SYNPR: variants seen among roughly 807,000 people sequenced by gnomAD.
SYNPR encodes synaptoporin.
Under a neutral mutation model 32.9 loss-of-function variants are expected in SYNPR, and 23 were observed. The observed-to-expected ratio is 0.70, with a 90% CI of 0.50 to 0.99. The LOEUF (loss-of-function observed/expected upper bound fraction) is 0.99. Among genes scored for constraint, SYNPR ranks in the 50% least tolerant of loss-of-function variants. The pLI, the probability that SYNPR is intolerant of heterozygous loss-of-function variation, is 0.00. For missense variants in SYNPR, 318 were observed against 349.3 expected (o/e 0.91, Z 0.71); for synonymous variants, 146 against 135.9 (o/e 1.07, Z -0.52).
At chr3:63,458,097 A>G (rs1361550205) in intron 2 of SYNPR, among the ~76,000 whole-genome samples, 1 of 152,184 alleles carries the variant, frequency 6.6e-6, no homozygotes, top group Non-Finnish European at 1.5e-5. Context: ...TGCTTTTGAT[A>G]TACGATAAGG....
At chr3:63,581,874 T>C (rs1703099628) in intron 4 of SYNPR, among the ~76,000 whole-genome samples, 1 of 152,142 alleles carries the variant, frequency 6.6e-6, no homozygotes, top group Non-Finnish European at 1.5e-5. Flanking sequence ...AAGGTTATTG[T>C]GATTTCAAGT....
intron 3 of SYNPR, among the ~76,000 whole-genome samples, chr3:63,539,142 A>T (rs956923016): frequency 6.6e-6 from 1 of 152,048 alleles, no homozygotes; most frequent in Non-Finnish European, 1.5e-5. Flanking sequence ...TTCAGTTTGA[A>T]GTTTTTGCAT....
chr3:63,246,848 G>T (rs532091782), intron 1 of SYNPR, among the ~76,000 whole-genome samples: 8 of 151,508 alleles, frequency 5.3e-5, no homozygotes, highest in Non-Finnish European at 1.2e-4. Flanking sequence ...CAAATGATTT[G>T]TAATCTCTGA....
At chr3:63,293,336 G>C (rs2086760060) in intron 2 of SYNPR, among the ~76,000 whole-genome samples, 1 of 152,058 alleles carries the variant, frequency 6.6e-6, no homozygotes, top group Non-Finnish European at 1.5e-5. Context: ...TTTTGGACAT[G>C]CTATGTAGAG....
At chr3:63,304,853 C>A (rs2086894168) in intron 2 of SYNPR, among the ~76,000 whole-genome samples, 1 of 151,922 alleles carries the variant, frequency 6.6e-6, no homozygotes, top group Non-Finnish European at 1.5e-5. Flanking sequence ...GACAATGAGA[C>A]AAACCAGTAT....
At chr3:63,450,200 G>A (rs1011390025) in intron 2 of SYNPR, among the ~76,000 whole-genome samples, 3 of 152,154 alleles carry the variant, frequency 2.0e-5, no homozygotes, top group African/African-American at 7.2e-5. Flanking sequence ...AATGTAGAGT[G>A]ATTATTGCAA....
chr3:63,249,555 G>A (rs1008787779), intron 1 of SYNPR, among the ~76,000 whole-genome samples: 4 of 152,134 alleles, frequency 2.6e-5, no homozygotes, highest in South Asian at 2.1e-4. Context: ...AGAAGAAAGA[G>A]TGGGAGGGGG....
chr3:63,554,048 C>A lies in SYNPR; in HGVS notation c.210-2495C>A, dbSNP rs553252833. On this transcript the variant is annotated intron_variant, in intron 3 of 5. Coordinates refer to ENST00000478300, the MANE Select transcript of SYNPR (RefSeq NM_001130003.2). ...TATGTCTTTTTTTGAGAAGTGTCTA[C>A]ATCTTTTGCTCATTTTTAGTGGGGG... is the stretch of plus-strand genomic sequence containing the variant. 2.2e-4 allele frequency among the ~76,000 whole-genome samples: 34 copies of A among 152,234 alleles called. No homozygotes were observed. In the South Asian group the frequency reaches 5.8e-3, roughly 26 times the overall value.
At chr3:63,558,179 G>A (rs1357510329) in intron 4 of SYNPR, among the ~76,000 whole-genome samples, 1 of 152,146 alleles carries the variant, frequency 6.6e-6, no homozygotes, top group Non-Finnish European at 1.5e-5. Flanking sequence ...GCCACCAGAT[G>A]TGGCTGTCCA....
chr3:63,316,025 A>T (rs2087039773), intron 2 of SYNPR, among the ~76,000 whole-genome samples: 1 of 152,054 alleles, frequency 6.6e-6, no homozygotes, highest in African/African-American at 2.4e-5. Flanking sequence ...AATTCTGTTT[A>T]TGTGGTGTAT....
intron 2 of SYNPR, among the ~76,000 whole-genome samples, chr3:63,445,967 T>A (rs1254819992): frequency 6.6e-6 from 1 of 152,204 alleles, no homozygotes; most frequent in Non-Finnish European, 1.5e-5. Flanking sequence ...CTGAAGAATA[T>A]GTGTTTTATT....
chr3:63,350,863 C>A (rs1266327278), intron 2 of SYNPR, among the ~76,000 whole-genome samples: 1 of 152,128 alleles, frequency 6.6e-6, no homozygotes, highest in African/African-American at 2.4e-5. Context: ...GGCCCCCGAG[C>A]CCATCAGTTA....
intron 2 of SYNPR, among the ~76,000 whole-genome samples, chr3:63,387,019 G>A (rs544996967): frequency 1.8e-4 from 28 of 152,264 alleles, no homozygotes; most frequent in Middle Eastern, 3.4e-3. Context: ...ATTTGGCTTC[G>A]TAGTCTTATC....
the SYNPR span, among the ~76,000 whole-genome samples, chr3:63,202,027 C>G: frequency 6.6e-6 from 1 of 151,890 alleles, no homozygotes; most frequent in Non-Finnish European, 1.5e-5. Context: ...CAAATGCTGC[C>G]AGGAGTTCAG....
chr3:63,348,558 TTTG>T (rs2087467682), intron 2 of SYNPR, among the ~76,000 whole-genome samples: 2 of 152,202 alleles, frequency 1.3e-5, no homozygotes, highest in Admixed American at 1.3e-4. Context: ...ATTTTTTGTT[TTTG>T]TTACTTGTGC....
intron 4 of SYNPR, among the ~76,000 whole-genome samples, chr3:63,570,014 T>C (rs1160806083): frequency 6.6e-6 from 1 of 152,220 alleles, no homozygotes; most frequent in African/African-American, 2.4e-5. Context: ...TTAAGCCATC[T>C]TCCGCAGCTT....
intron 2 of SYNPR, among the ~76,000 whole-genome samples, chr3:63,431,741 C>G (rs570532433): frequency 6.7e-6 from 1 of 148,242 alleles, no homozygotes. Flanking sequence ...AACCAACAAA[C>G]GAAAAGAAAA....
chr3:63,559,320 T>C (rs1702646641), intron 4 of SYNPR, among the ~76,000 whole-genome samples: 1 of 152,150 alleles, frequency 6.6e-6, no homozygotes, highest in African/African-American at 2.4e-5. Context: ...TCAAGCAATC[T>C]AGCAGCCTTG....
intron 2 of SYNPR, among the ~76,000 whole-genome samples, chr3:63,456,002 A>G (rs960717830): frequency 2.9e-4 from 44 of 152,212 alleles, no homozygotes; most frequent in African/African-American, 1.0e-3. Flanking sequence ...AGGCCTCACA[A>G]TCATGGCAGA....
Sources: gnomAD v4.1 joint callset for allele counts (sites outside exome capture counted in the v4.1 genomes callset) on GRCh38, gnomAD v4.1.1 for gene constraint, MANE v1.5 for transcripts, NCBI Gene and HGNC (gene_info 2026-07-23, HGNC 2026-07-21) for gene names.